The following MEF2D variants were observed in gnomAD, a reference collection of about 807,000 sequenced individuals.
MEF2D encodes myocyte enhancer factor 2D, also known as myocyte-specific enhancer factor 2D.
In MEF2D, 10 loss-of-function variants were observed where a neutral mutation model predicts 59.3. The ratio of observed to expected loss-of-function variants is 0.17; its 90% confidence interval spans 0.10 to 0.29. MEF2D has a LOEUF of 0.29. MEF2D is among the 10% of genes least tolerant of loss of function. The pLI is 1.00. For synonymous variants in MEF2D, 305 were observed against 295.0 expected, an observed-to-expected ratio of 1.03 and a Z score of -0.35; for missense variants, 508 against 699.4, an observed-to-expected ratio of 0.73 and a Z score of 3.09.
intron 1 of MEF2D, among the ~76,000 whole-genome samples, chr1:156,490,273 T>G (rs974426724): frequency 7.2e-5 from 11 of 151,916 alleles, no homozygotes; most frequent in African/African-American, 2.7e-4. Context: ...GCCCCCTCTC[T>G]GTCCCCGCCC....
chr1:156,495,755 C>A (rs1296535592), intron 1 of MEF2D, among the ~76,000 whole-genome samples: 1 of 2,930 alleles, frequency 3.4e-4, no homozygotes. Context: ...CTCCTTTGAC[C>A]AGGGGGCAAA....
At position 156,485,822 on chromosome 1, in the gene MEF2D, A is replaced by AC. The variant is rs1672322461; in HGVS notation, c.-138-2393dup. 2.7e-5 allele frequency among the ~76,000 whole-genome samples: 4 copies of AC among 150,462 alleles called. No individual in the cohort carries two copies. The South Asian group carries it at 8.4e-4, about 32-fold the overall frequency. Reference sequence around the variant, plus strand: ...GTAGCTGGGACCATGAGTGTGTACCACCATGCCAAGCTAATTTTTTTGACT... The same window carrying AC: ...GTAGCTGGGACCATGAGTGTGTACCACCCATGCCAAGCTAATTTTTTTGACT... On this transcript the variant is annotated intron_variant, in intron 1 of 11. Transcript: ENST00000348159.
intron 1 of MEF2D, among the ~76,000 whole-genome samples, chr1:156,492,787 G>A (rs1242923496): frequency 6.6e-6 from 1 of 152,212 alleles, no homozygotes. Flanking sequence ...GGAGACAGAA[G>A]TGAAAGTGGC....
chr1:156,475,452 C>T (rs1417185727), intron 8 of MEF2D, among the ~76,000 whole-genome samples: 4 of 152,254 alleles, frequency 2.6e-5, no homozygotes, highest in African/African-American at 7.2e-5. Context: ...TTCACTGACA[C>T]CAACACACGT....
intron 8 of MEF2D, 149 bp downstream of exon 8, chr1:156,476,343 CCT>C: frequency 1.1e-6 from 1 of 925,608 alleles, no homozygotes; most frequent in Non-Finnish European, 1.7e-6. Flanking sequence ...CCACTTGGCA[CCT>C]AAGCACAGCT....
intron 8 of MEF2D, among the ~76,000 whole-genome samples, chr1:156,475,552 G>A (rs994369577): frequency 6.6e-6 from 1 of 152,244 alleles, no homozygotes; most frequent in South Asian, 2.1e-4. Flanking sequence ...GGGAGACATC[G>A]TCCATCCCCT....
At chr1:156,479,511 C>T in intron 5 of MEF2D, 75 bp downstream of exon 5, 1 of 1,519,764 alleles carries the variant, frequency 6.6e-7, no homozygotes, top group Non-Finnish European at 8.9e-7. Context: ...GAAATACTTG[C>T]TGTTGAAAAT....
intron 11 of MEF2D, 101 bp from the exon 12 acceptor site, chr1:156,467,757 G>A (rs1670948628): frequency 3.2e-6 from 4 of 1,238,010 alleles, no homozygotes; most frequent in East Asian, 2.7e-5. Context: ...GATTCTAGTG[G>A]CAGGGCCAGC....
chr1:156,477,181 C>CGAGCACT lies in MEF2D; in HGVS notation c.679_685dup (p.Arg229GlnfsTer61), dbSNP rs1343440599. 6.2e-7 allele frequency: 1 copy of CGAGCACT among 1,608,350 alleles called. No homozygotes were observed. Among genetic ancestry groups the CGAGCACT allele is most frequent in the Non-Finnish European group, 8.5e-7 (1 of 1,176,878 alleles). On this transcript the variant is annotated frameshift_variant, in exon 7 of 12. Transcript: ENST00000348159. LOFTEE classifies it high-confidence loss of function. ...CACAGGGAGGAGGCCAGGGGAAGCCCGAGCACTGACGTAGCCATTCCCTGG... is the reference window on the plus strand; with the variant it reads ...CACAGGGAGGAGGCCAGGGGAAGCCCGAGCACTGAGCACTGACGTAGCCATTCCCTGG...
chr1:156,465,530 C>T lies in MEF2D; in HGVS notation c.*2115G>A, dbSNP rs1670783964. Reference sequence around the variant, plus strand: ...GCAGCCAACTCTCCCTTTGTAAACACACACCAGGCACACTCAGACACAGAG... The same window carrying T: ...GCAGCCAACTCTCCCTTTGTAAACATACACCAGGCACACTCAGACACAGAG... On this transcript the variant is annotated 3_prime_UTR_variant, in exon 12 of 12. Coordinates refer to ENST00000348159, the MANE Select transcript of MEF2D (RefSeq NM_005920.4). 6.6e-6 allele frequency: 1 copy of T among 152,394 alleles called. No homozygotes were observed. The highest frequency in any genetic ancestry group is 2.4e-5 in the African/African-American group (1 of 41,412). 9.4% of individuals were successfully genotyped at this position (152,394 alleles called of 1,614,324 possible).
Position 156,475,560 on chromosome 1 carries a change from CCT to C in MEF2D, c.877-325_877-324del, listed in dbSNP as rs377331765. ...GAGGGAAGGGAGACATCGTCCATCC[CCT>C]GTCTCTCTGGAGCCCACTCTCCATC... is the stretch of plus-strand genomic sequence containing the variant. On this transcript the variant is annotated intron_variant, in intron 8 of 11. Coordinates refer to ENST00000348159, the MANE Select transcript of MEF2D (RefSeq NM_005920.4). 4.9e-3 allele frequency among the ~76,000 whole-genome samples: 745 copies of C among 152,374 alleles called. 3 individuals are homozygous for C. Among genetic ancestry groups the C allele is most frequent in the Middle Eastern group, 0.027 (8 of 294 alleles).
At chr1:156,469,686 G>C (rs1193261482) in intron 9 of MEF2D, among the ~76,000 whole-genome samples, 2 of 151,344 alleles carry the variant, frequency 1.3e-5, no homozygotes, top group African/African-American at 4.9e-5. Flanking sequence ...CCCAGAGTTT[G>C]AGACCAGACT....
At chr1:156,491,606 A>G (rs1391903199) in intron 1 of MEF2D, among the ~76,000 whole-genome samples, 1 of 152,190 alleles carries the variant, frequency 6.6e-6, no homozygotes. Context: ...AGGCTCAGTC[A>G]TCCCAATCCC....
rs781744721 is a variant in MEF2D, at chr1:156,482,540, T to C, written c.155A>G (p.Asn52Ser). 7 of 1,614,082 alleles carry C rather than the reference T, an allele frequency of 4.3e-6. No individual in the cohort carries two copies. The highest frequency in any genetic ancestry group is 1.3e-5 in the African/African-American group (1 of 74,924). Residue 52 changes from asparagine to serine, a missense_variant, in exon 3 of 12, where the codon AAC (asparagine) becomes AGC (serine). Transcript: ENST00000348159. ...EIALIIFNHSNKLFQYASTDM... is the reference protein window; with the variant it reads ...EIALIIFNHSSKLFQYASTDM... ...GGTGCTGGCGTACTGGAACAGCTTGTTGGAGTGGTTGAAGATGATGAGTGC... is the reference window on the plus strand; with the variant it reads ...GGTGCTGGCGTACTGGAACAGCTTGCTGGAGTGGTTGAAGATGATGAGTGC...
intron 5 of MEF2D, 23 bp downstream of exon 5, chr1:156,479,563 T>G: frequency 6.5e-7 from 1 of 1,549,196 alleles, no homozygotes; most frequent in Non-Finnish European, 8.7e-7. Flanking sequence ...CCACCTCACC[T>G]ACCCACCTGC....
intron 6 of MEF2D, among the ~76,000 whole-genome samples, chr1:156,478,359 G>C (rs886559127): frequency 6.7e-6 from 1 of 150,268 alleles, no homozygotes; most frequent in Non-Finnish European, 1.5e-5. Flanking sequence ...CTGTTGCCCT[G>C]GAAGTGTGTG....
intron 9 of MEF2D, among the ~76,000 whole-genome samples, chr1:156,473,008 C>G (rs1024529252): frequency 1.2e-4 from 18 of 150,852 alleles, no homozygotes; most frequent in East Asian, 3.9e-4. Flanking sequence ...TTGCGCCCAG[C>G]CTTTTTATGT....
chr1:156,478,265 ACTGAG>A (rs1188819844), intron 6 of MEF2D, among the ~76,000 whole-genome samples: 1 of 152,032 alleles, frequency 6.6e-6, no homozygotes, highest in East Asian at 1.9e-4. Flanking sequence ...GTGCCCCAAA[ACTGAG>A]CTGGGGGATG....
At chr1:156,475,282 A>G in intron 8 of MEF2D, 45 bp from the exon 9 acceptor site, 1 of 1,533,348 alleles carries the variant, frequency 6.5e-7, no homozygotes, top group Non-Finnish European at 8.8e-7. Flanking sequence ...ACAGGTGGGC[A>G]GCTTTATGTT....
Sources: gnomAD v4.1 joint callset for allele counts (sites outside exome capture counted in the v4.1 genomes callset) on GRCh38, gnomAD v4.1.1 for gene constraint, MANE v1.5 for transcripts, NCBI Gene and HGNC (gene_info 2026-07-23, HGNC 2026-07-21) for gene names.